Variants in FRMD5 observed in about 807,000 individuals in gnomAD.
FRMD5 encodes FERM domain containing 5.
A neutral mutation model predicts 69.0 loss-of-function variants in FRMD5; 20 were observed. The ratio of observed to expected loss-of-function variants is 0.29; its 90% CI spans 0.20 to 0.42. The LOEUF is 0.42. Among genes scored for constraint, FRMD5 ranks in the 10% least tolerant of loss-of-function variants. The probability of loss-of-function intolerance (pLI) is 1.00; values close to 1 mark genes in which losing one functional copy is unlikely to be tolerated. For synonymous variants in FRMD5, 271 were observed against 260.1 expected, an observed-to-expected ratio of 1.04 and a Z score of -0.40; for missense variants, 595 against 708.6, an observed-to-expected ratio of 0.84 and a Z score of 1.82.
At chr15:43,991,943 C>G (rs965545429) in intron 1 of FRMD5, among the ~76,000 whole-genome samples, 3 of 152,134 alleles carry the variant, frequency 2.0e-5, no homozygotes, top group African/African-American at 4.8e-5. Flanking sequence ...CAGAAAAAAT[C>G]CAAACCCTGA....
At chr15:44,110,535 T>A (rs990108836) in intron 1 of FRMD5, among the ~76,000 whole-genome samples, 2 of 152,338 alleles carry the variant, frequency 1.3e-5, no homozygotes, top group Non-Finnish European at 2.9e-5. Context: ...GTACAGACAG[T>A]CCTCAATTTA....
chr15:44,048,333 A>C (rs960714139), intron 1 of FRMD5, among the ~76,000 whole-genome samples: 1 of 152,118 alleles, frequency 6.6e-6, no homozygotes, highest in African/African-American at 2.4e-5. Flanking sequence ...ACATCTTTTC[A>C]TGTGCTTATT....
intron 1 of FRMD5, among the ~76,000 whole-genome samples, chr15:44,094,886 G>T (rs1318725529): frequency 6.6e-6 from 1 of 151,910 alleles, no homozygotes; most frequent in African/African-American, 2.4e-5. Context: ...TTCATTGAGG[G>T]ACACATTGAA....
At chr15:43,942,179 A>T (rs2089874721) in intron 1 of FRMD5, among the ~76,000 whole-genome samples, 1 of 152,214 alleles carries the variant, frequency 6.6e-6, no homozygotes, top group Non-Finnish European at 1.5e-5. Context: ...CTGATCTGTC[A>T]TTAGGGGAGT....
At chr15:44,026,793 T>C (rs1486295359) in intron 1 of FRMD5, among the ~76,000 whole-genome samples, 2 of 152,222 alleles carry the variant, frequency 1.3e-5, no homozygotes, top group Non-Finnish European at 2.9e-5. Flanking sequence ...AAAGCTACTA[T>C]ATTTTTCTTT....
chr15:44,176,223 C>A (rs1427816023), intron 1 of FRMD5, among the ~76,000 whole-genome samples: 8 of 152,104 alleles, frequency 5.3e-5, no homozygotes, highest in Non-Finnish European at 1.2e-4. Context: ...CAGAAATAAA[C>A]CCATATATTT....
intron 1 of FRMD5, among the ~76,000 whole-genome samples, chr15:43,961,851 A>C (rs948299358): frequency 6.6e-6 from 1 of 152,226 alleles, no homozygotes; most frequent in African/African-American, 2.4e-5. Context: ...ACAAAATTCA[A>C]CAACCCTTCA....
chr15:44,134,582 G>A (rs914733103), intron 1 of FRMD5, among the ~76,000 whole-genome samples: 5 of 152,126 alleles, frequency 3.3e-5, no homozygotes, highest in African/African-American at 9.7e-5. Flanking sequence ...CCGAGTAGCT[G>A]GGATTACAGG....
At chr15:44,140,873 A>AGT (rs1555408152) in intron 1 of FRMD5, among the ~76,000 whole-genome samples, 1 of 111,258 alleles carries the variant, frequency 9.0e-6, no homozygotes, top group Non-Finnish European at 1.7e-5. Context: ...ACAGAGTGAG[A>AGT]CTGTCTCAAA....
At chr15:44,095,206 C>CTTT (rs112078242) in intron 1 of FRMD5, among the ~76,000 whole-genome samples, 3 of 142,924 alleles carry the variant, frequency 2.1e-5, no homozygotes, top group Non-Finnish European at 4.6e-5. Flanking sequence ...CAATTTCTTT[C>CTTT]TTTTTTTTTT....
At position 44,002,273 on chromosome 15, in the gene FRMD5, C is replaced by T. The variant is rs776384371; in HGVS notation, c.103-77964G>A. On this transcript the variant is annotated intron_variant, in intron 1 of 13. Transcript: ENST00000417257. ...TCATTGTTATTGGAGGCTCATTCGT[C>T]ACAGGCCTTCTCAGTAATGAAGTTA... Among the ~76,000 whole-genome samples the T allele has an allele frequency of 2.8e-4, 43 of 152,124 alleles. 1 individual carries two copies. Among genetic ancestry groups the T allele is most frequent in the African/African-American group, 9.6e-4 (40 of 41,490 alleles).
At chr15:44,104,846 T>C (rs2076692656) in intron 1 of FRMD5, among the ~76,000 whole-genome samples, 1 of 152,198 alleles carries the variant, frequency 6.6e-6, no homozygotes, top group Non-Finnish European at 1.5e-5. Flanking sequence ...ATATGTAGTC[T>C]TCTCGATTGG....
chr15:43,991,528 T>G (rs1481217288), intron 1 of FRMD5, among the ~76,000 whole-genome samples: 2 of 152,204 alleles, frequency 1.3e-5, no homozygotes, highest in Non-Finnish European at 2.9e-5. Context: ...AATATGGATA[T>G]TCATTATAAA....
At chr15:43,911,517 C>T (rs2089287210) in intron 4 of FRMD5, among the ~76,000 whole-genome samples, 1 of 152,184 alleles carries the variant, frequency 6.6e-6, no homozygotes, top group Non-Finnish European at 1.5e-5. Context: ...TCCCCACCTC[C>T]AGTCAAGCCT....
At chr15:44,173,079 T>C (rs574388058) in intron 1 of FRMD5, among the ~76,000 whole-genome samples, 1 of 152,258 alleles carries the variant, frequency 6.6e-6, no homozygotes, top group South Asian at 2.1e-4. Flanking sequence ...ACAAAATATA[T>C]CATGATAAAG....
intron 1 of FRMD5, chr15:44,194,462 T>C: frequency 4.6e-6 from 1 of 216,640 alleles, no homozygotes; most frequent in Non-Finnish European, 9.3e-6. Context: ...CTGAAAGCTC[T>C]GACTCACAAA....
chr15:44,111,560 A>G (rs1158475940), intron 1 of FRMD5, among the ~76,000 whole-genome samples: 2 of 152,204 alleles, frequency 1.3e-5, no homozygotes, highest in Non-Finnish European at 2.9e-5. Context: ...TCATAACAGA[A>G]AAGTCTCAGG....
In FRMD5 at chr15:44,001,882, G is replaced by A. The variant is rs1435729481; in HGVS notation, c.103-77573C>T. Among the ~76,000 whole-genome samples, 7 of 151,774 alleles carry A rather than the reference G, an allele frequency of 4.6e-5. 1 individual carries two copies. Among genetic ancestry groups the A allele is most frequent in the South Asian group, 4.2e-4 (2 of 4,796 alleles). On this transcript the variant is annotated intron_variant, in intron 1 of 13. Coordinates refer to ENST00000417257, the MANE Select transcript of FRMD5 (RefSeq NM_032892.5). The stretch of plus-strand genomic sequence containing the variant: ...CTGAGTAGCTGGCTAATTAGCACCC[G>A]GATAATTTTTGTAATTTTAGTAGAC...
At chr15:43,884,881 T>G in intron 11 of FRMD5, 86 bp from the exon 12 acceptor site, 1 of 1,199,452 alleles carries the variant, frequency 8.3e-7, no homozygotes. Context: ...GTGCTTTCCC[T>G]GAATCAGGAA....
Sources: gnomAD v4.1 joint callset for allele counts (sites outside exome capture counted in the v4.1 genomes callset) on GRCh38, gnomAD v4.1.1 for gene constraint, MANE v1.5 for transcripts, NCBI Gene and HGNC (gene_info 2026-07-23, HGNC 2026-07-21) for gene names.